EGFLAM: variants seen among roughly 807,000 people sequenced by gnomAD.
The protein encoded by EGFLAM is pikachurin.
EGFLAM carries 79 observed loss-of-function variants against 113.1 expected under a neutral mutation model. The observed-to-expected ratio is 0.70, with a 90% CI of 0.58 to 0.84. The LOEUF (loss-of-function observed/expected upper bound fraction) is 0.84, where lower values mean the gene tolerates loss of function less well. EGFLAM is among the 40% of genes least tolerant of loss of function. The pLI, the probability that EGFLAM is intolerant of heterozygous loss-of-function variation, is 0.00. For missense variants in EGFLAM, 1,265 were observed against 1,291.6 expected (o/e 0.98, Z 0.32); for synonymous variants, 504 against 487.6 (o/e 1.03, Z -0.44).
rs747241448 is a variant in EGFLAM, at chr5:38,427,138, A to G, written c.1940A>G (p.Asp647Gly). 4 of 1,614,066 alleles carry G rather than the reference A, an allele frequency of 2.5e-6. No individual in the cohort carries two copies. Among genetic ancestry groups the G allele is most frequent in the Non-Finnish European group, 3.4e-6 (4 of 1,180,018 alleles). ...FEITFRPDSGDGVLLYSYDTG... is the reference protein window; with the variant it reads ...FEITFRPDSGGGVLLYSYDTG... ...ATCACATTTCGGCCAGACTCAGGAGATGGTGTCCTCCTGTACAGCTATGAC... is the reference window on the plus strand; with the variant it reads ...ATCACATTTCGGCCAGACTCAGGAGGTGGTGTCCTCCTGTACAGCTATGAC... Residue 647 changes from aspartate to glycine, a missense_variant, in exon 14 of 22, where the codon GAT becomes GGT. Asp to Gly is a moderately conservative substitution (Grantham distance 94, BLOSUM62 -1). Transcript: ENST00000322350.
At position 38,406,177 on chromosome 5, in the gene EGFLAM, T is replaced by C. The variant is rs1416476138; in HGVS notation, c.764T>C (p.Met255Thr). 1.9e-6 allele frequency: 3 copies of C among 1,614,016 alleles called. No homozygotes were observed. Among genetic ancestry groups the C allele is most frequent in the Non-Finnish European group, 2.5e-6 (3 of 1,180,020 alleles). ...TATGGACCCCGTTATATCACCGACA[T>C]GGGAGCTGGTGAGGATGATGAAGGA... is the stretch of plus-strand genomic sequence containing the variant. ...GRYGPRYITDMGAGEDDEGFE... is the reference protein window; with the variant it reads ...GRYGPRYITDTGAGEDDEGFE... Residue 255 changes from methionine (M) to threonine (T), a missense_variant, in exon 7 of 22, where the codon ATG (methionine) becomes ACG (threonine). Met to Thr is a moderately conservative substitution (Grantham distance 81, BLOSUM62 -1). Transcript: ENST00000322350.
At chr5:38,435,459 G>A (rs113398634) in intron 16 of EGFLAM, among the ~76,000 whole-genome samples, 1 of 152,330 alleles carries the variant, frequency 6.6e-6, no homozygotes, top group African/African-American at 2.4e-5. Flanking sequence ...ATGCCCGGCA[G>A]ACATTCCATG....
chr5:38,451,588 G>C, intron 19 of EGFLAM, 130 bp downstream of exon 19: 1 of 1,332,832 alleles, frequency 7.5e-7, no homozygotes, highest in Non-Finnish European at 1.0e-6. Flanking sequence ...AAGCTTCAAG[G>C]CTTATTGGAA....
intron 5 of EGFLAM, among the ~76,000 whole-genome samples, chr5:38,357,101 A>T (rs1739782163): frequency 6.6e-6 from 1 of 152,192 alleles, no homozygotes; most frequent in Non-Finnish European, 1.5e-5. Flanking sequence ...TGGGCAACAT[A>T]AAAAAATTAG....
rs1739589337 is a variant in EGFLAM at position 38,350,422 on chromosome 5, A to G, written c.292-79A>G. On this transcript the variant is annotated intron_variant, in intron 3 of 21. Coordinates refer to ENST00000322350, the MANE Select transcript of EGFLAM (RefSeq NM_152403.4). ...AGCAGTTTCACAGGGGCCTCGAGAT[A>G]TAAACCTCATGGAAATTGTACAATT... The G allele has an allele frequency of 3.6e-6, 5 of 1,401,022 alleles. No individual in the cohort carries two copies. The East Asian group carries it at 9.3e-5, about 26-fold the overall frequency. 86.8% of individuals were successfully genotyped at this position (1,401,022 alleles called of 1,614,324 possible). A position where few individuals can be genotyped will look rare whatever the true frequency, so the allele number is the denominator to read the frequency against.
intron 6 of EGFLAM, among the ~76,000 whole-genome samples, chr5:38,388,845 G>T (rs1181838465): frequency 6.6e-6 from 1 of 150,658 alleles, no homozygotes; most frequent in Non-Finnish European, 1.5e-5. Flanking sequence ...AGCCTGGGAG[G>T]TCGAGGCTGC....
At chr5:38,270,055 C>T (rs1757731277) in intron 1 of EGFLAM, among the ~76,000 whole-genome samples, 2 of 152,322 alleles carry the variant, frequency 1.3e-5, no homozygotes, top group African/African-American at 2.4e-5. Flanking sequence ...CGCTCTTCAA[C>T]CAGGCTTCAC....
rs568538524 is a variant in EGFLAM at position 38,258,932 on chromosome 5, G to A, written c.97+81G>A. On this transcript the variant is annotated intron_variant, in intron 1 of 21. Coordinates refer to ENST00000322350, the MANE Select transcript of EGFLAM (RefSeq NM_152403.4). ...GGGGCGAGGACACAGAGCGGGCAGCGCACCGCCTCCCTCTCCCCGACCAAC... is the reference window on the plus strand; with the variant it reads ...GGGGCGAGGACACAGAGCGGGCAGCACACCGCCTCCCTCTCCCCGACCAAC... 26 of 1,428,942 alleles carry A rather than the reference G, an allele frequency of 1.8e-5. 1 individual carries two copies. In the South Asian group the frequency reaches 2.8e-4, roughly 15 times the overall value. 88.5% of individuals were successfully genotyped at this position (1,428,942 alleles called of 1,614,324 possible). A position where few individuals can be genotyped will look rare whatever the true frequency, so the allele number is the denominator to read the frequency against.
chr5:38,412,531 C>T lies in EGFLAM; in HGVS notation c.1377C>T (p.Ile459=), dbSNP rs201371284. ...TTAATTGTGGAACTGGGGTTGCCAT[C>T]ATCGTAAGTGAGACCAAAATCAAAC... ...FRFNCGTGVA[I]IVSETKIKLG... The change falls in exon 11 of 22, where the codon ATC becomes ATT. Residue 459 remains isoleucine, a synonymous_variant. Coordinates refer to ENST00000322350, the MANE Select transcript of EGFLAM (RefSeq NM_152403.4). 3.7e-6 allele frequency: 6 copies of T among 1,614,146 alleles called. No homozygotes were observed. In the East Asian group the frequency reaches 1.1e-4, roughly 30 times the overall value.
chr5:38,324,749 G>T (rs1738833986), intron 1 of EGFLAM, among the ~76,000 whole-genome samples: 1 of 152,170 alleles, frequency 6.6e-6, no homozygotes, highest in South Asian at 2.1e-4. Context: ...TAGGCTCGGG[G>T]GAAGGCAGTG....
chr5:38,418,404 T>A (rs113802652), intron 12 of EGFLAM, 149 bp downstream of exon 12: 4 of 1,017,432 alleles, frequency 3.9e-6, no homozygotes, highest in Non-Finnish European at 5.6e-6. Flanking sequence ...GAGGTGGGCC[T>A]CAGGGGTGAG....
chr5:38,373,920 T>A (rs1740296473), intron 6 of EGFLAM, among the ~76,000 whole-genome samples: 1 of 152,162 alleles, frequency 6.6e-6, no homozygotes, highest in Non-Finnish European at 1.5e-5. Flanking sequence ...CATGCCGACA[T>A]CTGGTAGCAA....
rs1743156734 is a variant in EGFLAM, at chr5:38,458,304, G to A, written c.2688-7G>A. Reference sequence around the variant, plus strand: ...GTTCTCTGTCTTCTTCTTCTCCAATGCCTTAGCTATAACCTGGGCAGTGGT... The same window carrying A: ...GTTCTCTGTCTTCTTCTTCTCCAATACCTTAGCTATAACCTGGGCAGTGGT... On this transcript the variant is annotated splice_polypyrimidine_tract_variant and splice_region_variant and intron_variant, in intron 19 of 21. Coordinates refer to ENST00000322350, the MANE Select transcript of EGFLAM (RefSeq NM_152403.4). The A allele has an allele frequency of 6.2e-7, 1 of 1,613,066 alleles. No homozygotes were observed. Among genetic ancestry groups the A allele is most frequent in the African/African-American group, 1.3e-5 (1 of 74,976 alleles).
intron 1 of EGFLAM, among the ~76,000 whole-genome samples, chr5:38,312,196 C>T (rs1299326744): frequency 6.6e-6 from 1 of 151,820 alleles, no homozygotes; most frequent in Non-Finnish European, 1.5e-5. Flanking sequence ...CACATGCTCA[C>T]CAGCTGTGTG....
In EGFLAM at chr5:38,299,789, C is replaced by A. The variant is rs138821541; in HGVS notation, c.98-37731C>A. On this transcript the variant is annotated intron_variant, in intron 1 of 21. Coordinates refer to ENST00000322350, the MANE Select transcript of EGFLAM (RefSeq NM_152403.4). The stretch of plus-strand genomic sequence containing the variant: ...ATGCTGGTTCTTCATTTGCCTTCTG[C>A]AATGATTGAAAGCTGCAAATTCTGA... 2.7e-3 allele frequency among the ~76,000 whole-genome samples: 405 copies of A among 152,142 alleles called. 3 individuals carry two copies. Among genetic ancestry groups the A allele is most frequent in the African/African-American group, 9.4e-3 (389 of 41,484 alleles).
chr5:38,317,332 G>T (rs1700815131), intron 1 of EGFLAM, among the ~76,000 whole-genome samples: 1 of 152,130 alleles, frequency 6.6e-6, no homozygotes, highest in South Asian at 2.1e-4. Flanking sequence ...AGGGAGTAGG[G>T]CAGGGAAAGG....
chr5:38,394,332 G>A (rs1740896225), intron 6 of EGFLAM, among the ~76,000 whole-genome samples: 2 of 151,956 alleles, frequency 1.3e-5, no homozygotes, highest in Admixed American at 1.3e-4. Flanking sequence ...TAGGGCCTTG[G>A]CAGCTTCAGT....
intron 5 of EGFLAM, among the ~76,000 whole-genome samples, chr5:38,368,369 C>A (rs1740119162): frequency 6.6e-6 from 1 of 152,178 alleles, no homozygotes; most frequent in Non-Finnish European, 1.5e-5. Context: ...CATGGGCATA[C>A]CCTGTGAACT....
Position 38,437,738 on chromosome 5 carries a change from T to C in EGFLAM, c.2284-537T>C, listed in dbSNP as rs563492895. Among the ~76,000 whole-genome samples the C allele has an allele frequency of 2.0e-5, 3 of 152,260 alleles. No individual in the cohort carries two copies. In the South Asian group the frequency reaches 6.2e-4, roughly 32 times the overall value. On this transcript the variant is annotated intron_variant, in intron 16 of 21. Transcript: ENST00000322350. ...TACAACCTAACCGAGTGGCCAGTCT[T>C]CCGGAACCAGAGGAGCGCGTCACTC...
Sources: gnomAD v4.1 joint callset for allele counts (sites outside exome capture counted in the v4.1 genomes callset) on GRCh38, gnomAD v4.1.1 for gene constraint, MANE v1.5 for transcripts, NCBI Gene and HGNC (gene_info 2026-07-23, HGNC 2026-07-21) for gene names.